Variants in CLDN14 observed in about 807,000 individuals in gnomAD.
The protein encoded by CLDN14 is claudin-14.
CLDN14 carries 2 observed loss-of-function variants against 2.1 expected under a neutral mutation model. That is an observed-to-expected ratio of 0.96 (90% CI 0.39 to 3.01). The LOEUF is 3.01. Among genes scored for constraint, CLDN14 ranks in the 30% most tolerant of loss-of-function variants. CLDN14 has a pLI of 0.09. For missense variants in CLDN14, 298 were observed against 328.0 expected, an observed-to-expected ratio of 0.91 and a Z score of 0.71; for synonymous variants, 136 against 154.4, an observed-to-expected ratio of 0.88 and a Z score of 0.88.
chr21:36,509,947 G>A (rs1276945755), intron 2 of CLDN14, among the ~76,000 whole-genome samples: 1 of 152,144 alleles, frequency 6.6e-6, no homozygotes, highest in Non-Finnish European at 1.5e-5. Context: ...CTGTTTACTG[G>A]CCACCTACAC....
At chr21:36,483,340 GC>G (rs2086866073), upstream of CLDN14, among the ~76,000 whole-genome samples, 2 of 152,250 alleles carry the variant, frequency 1.3e-5, no homozygotes, top group African/African-American at 2.4e-5. Context: ...GCAGCTCACA[GC>G]CCTTGGGCAA....
intron 2 of CLDN14, among the ~76,000 whole-genome samples, chr21:36,490,902 A>G (rs2086956459): frequency 6.6e-6 from 1 of 151,984 alleles, no homozygotes; most frequent in African/African-American, 2.4e-5. Context: ...ATATGCATCA[A>G]CGTGCACATA....
chr21:36,486,062 A>G (rs773310485), intron 2 of CLDN14: 2 of 1,408,864 alleles, frequency 1.4e-6, no homozygotes, highest in Non-Finnish European at 2.0e-6. Context: ...AGCGTTTCAA[A>G]TGGCTTCATT....
chr21:36,524,024 C>T lies in CLDN14; in HGVS notation c.-219-13524G>A, dbSNP rs904459136. Among the ~76,000 whole-genome samples the T allele has an allele frequency of 5.9e-5, 9 of 152,140 alleles. 1 individual carries two copies. Among genetic ancestry groups the T allele is most frequent in the African/African-American group, 2.2e-4 (9 of 41,506 alleles). ...ACACAGGTGACCTCAACAGCAGGAC[C>T]TGACTGCTCTCTCCAAGCACAAGGA... On this transcript the variant is annotated intron_variant, in intron 1 of 2. Transcript: ENST00000342108.
intron 1 of CLDN14, among the ~76,000 whole-genome samples, chr21:36,517,141 G>A (rs11088352): frequency 5.9e-5 from 9 of 152,068 alleles, no homozygotes; most frequent in Non-Finnish European, 2.9e-5. Flanking sequence ...CGCCTGGCCT[G>A]GTCTTTACAT....
intron 1 of CLDN14, chr21:36,532,473 C>A (rs1369527055): frequency 6.6e-6 from 1 of 151,708 alleles, no homozygotes; most frequent in African/African-American, 2.4e-5. Flanking sequence ...GGAGGGATAG[C>A]ATTAGGAGAT....
intron 1 of CLDN14, among the ~76,000 whole-genome samples, chr21:36,541,608 T>C (rs1344472522): frequency 6.6e-6 from 1 of 152,210 alleles, no homozygotes; most frequent in African/African-American, 2.4e-5. Context: ...ACTACCTACC[T>C]TCTGTAAGGG....
At chr21:36,542,840 G>T in intron 1 of CLDN14, 1 of 153,478 alleles carries the variant, frequency 6.5e-6, no homozygotes, top group East Asian at 1.9e-4. Flanking sequence ...CCCGCAGCCC[G>T]CACCTGCCCC....
intron 1 of CLDN14, among the ~76,000 whole-genome samples, chr21:36,565,164 T>G (rs1243175523): frequency 6.6e-6 from 1 of 152,234 alleles, no homozygotes; most frequent in Admixed American, 6.5e-5. Context: ...AATTTTGCTG[T>G]CCTCAGAATC....
At chr21:36,486,175 C>T (rs1325212628) in intron 2 of CLDN14, 6 of 1,131,486 alleles carry the variant, frequency 5.3e-6, no homozygotes, top group Non-Finnish European at 8.1e-6. Context: ...GGCAAGTGTC[C>T]ATGGCTGAGC....
intron 2 of CLDN14, among the ~76,000 whole-genome samples, chr21:36,502,546 T>A (rs1407848608): frequency 6.6e-6 from 1 of 152,236 alleles, no homozygotes; most frequent in Non-Finnish European, 1.5e-5. Flanking sequence ...TACTGAGACA[T>A]CTTGTAAACT....
intron 2 of CLDN14, among the ~76,000 whole-genome samples, chr21:36,509,231 T>C (rs1328416662): frequency 2.0e-5 from 3 of 152,220 alleles, no homozygotes; most frequent in Non-Finnish European, 4.4e-5. Context: ...CCACCTGCTG[T>C]GAAGGCACTT....
rs1280789119 is a variant in CLDN14, at chr21:36,498,847, G to T, written c.-82+11516C>A. Among the ~76,000 whole-genome samples, 1 of 152,126 alleles carries T rather than the reference G, an allele frequency of 6.6e-6. No individual in the cohort carries two copies. The highest frequency in any genetic ancestry group is 2.4e-5 in the African/African-American group (1 of 41,420). On this transcript the variant is annotated intron_variant, in intron 2 of 2. Coordinates refer to the CLDN14 transcript ENST00000342108. The surrounding 1 kb of genome is among the most constrained non-coding windows in gnomAD (Gnocchi z 4.9). ...AAGGTGGCCGCTGAGGGGCCCTCAT[G>T]GGGGCTGAAATTCAACCAAGGCTTG...
At chr21:36,545,229 A>C (rs547607150) in intron 1 of CLDN14, among the ~76,000 whole-genome samples, 1 of 152,222 alleles carries the variant, frequency 6.6e-6, no homozygotes, top group Non-Finnish European at 1.5e-5. Context: ...ACAAATTCAA[A>C]TGCAATATTC....
intron 1 of CLDN14, among the ~76,000 whole-genome samples, chr21:36,552,255 G>A (rs954123718): frequency 6.6e-6 from 1 of 152,144 alleles, no homozygotes; most frequent in African/African-American, 2.4e-5. Context: ...AATATCCAGC[G>A]ATACTTTAAA....
intron 1 of CLDN14, among the ~76,000 whole-genome samples, chr21:36,539,108 G>A (rs1035577564): frequency 3.9e-5 from 6 of 152,244 alleles, no homozygotes; most frequent in African/African-American, 1.4e-4. Flanking sequence ...GCCAATTTAA[G>A]AGATGCCGAG....
chr21:36,472,031 A>ATGTGC (rs1491497848), intron 1 of CLDN14, among the ~76,000 whole-genome samples: 1 of 152,238 alleles, frequency 6.6e-6, no homozygotes, highest in Non-Finnish European at 1.5e-5. Context: ...TATGCCAAAC[A>ATGTGC]TGTGCTAAGT....
At chr21:36,492,965 G>C (rs1568857256) in intron 2 of CLDN14, among the ~76,000 whole-genome samples, 1 of 152,212 alleles carries the variant, frequency 6.6e-6, no homozygotes, top group South Asian at 2.1e-4. Context: ...TGGGAGCTCT[G>C]AGCCACTGTG....
At position 36,461,242 on chromosome 21, in the gene CLDN14, G is replaced by C; in HGVS notation, c.454C>G (p.Leu152Val). ...ATCTCAAACTTCATGCCGCTGGGCA[G>C]CAGCGGGTTGTAGAAGTTCTGCACC... ...DVVQNFYNPL[L>V]PSGMKFEIGQ... The change falls in exon 2 of 2, where the codon CTG becomes GTG. Residue 152 changes from leucine to valine, a missense_variant. By Grantham distance (32) the Leu-to-Val change is conservative (BLOSUM62 1). Transcript: ENST00000399135. The C allele has an allele frequency of 6.2e-7, 1 of 1,613,998 alleles. No homozygotes were observed. Among genetic ancestry groups the C allele is most frequent in the Non-Finnish European group, 8.5e-7 (1 of 1,180,018 alleles).
Sources: gnomAD v4.1 joint callset for allele counts (sites outside exome capture counted in the v4.1 genomes callset) on GRCh38, gnomAD v4.1.1 for gene constraint, Gnocchi (gnomAD v3.1) non-coding constraint, MANE v1.5 for transcripts, NCBI Gene and HGNC (gene_info 2026-07-23, HGNC 2026-07-21) for gene names.